ITGA9: variants seen among roughly 807,000 people sequenced by gnomAD.
ITGA9 encodes the protein integrin subunit alpha 9.
In ITGA9, 56 loss-of-function variants were observed where a neutral mutation model predicts 127.8. The observed-to-expected ratio is 0.44, with a 90% CI of 0.35 to 0.55. The LOEUF (loss-of-function observed/expected upper bound fraction) is 0.55, where lower values mean the gene tolerates loss of function less well. Ranked by LOEUF, ITGA9 falls within the 20% of genes least tolerant of loss-of-function variation. The probability of loss-of-function intolerance (pLI) is 0.00; values close to 1 mark genes in which losing one functional copy is unlikely to be tolerated. For synonymous variants in ITGA9, 508 were observed against 514.5 expected, an observed-to-expected ratio of 0.99 and a Z score of 0.17; for missense variants, 1,196 against 1,347.1, an observed-to-expected ratio of 0.89 and a Z score of 1.76.
At chr3:37,687,420 A>G (rs1199455358) in intron 18 of ITGA9, among the ~76,000 whole-genome samples, 1 of 152,208 alleles carries the variant, frequency 6.6e-6, no homozygotes, top group Non-Finnish European at 1.5e-5. Flanking sequence ...GAAGGTAGAA[A>G]CTGGAAAACA....
At chr3:37,472,237 G>A (rs1698438866) in intron 2 of ITGA9, among the ~76,000 whole-genome samples, 3 of 152,184 alleles carry the variant, frequency 2.0e-5, no homozygotes, top group Admixed American at 2.0e-4. Context: ...TACCTCGCAA[G>A]GATGGTCTTG....
chr3:37,636,963 G>A (rs561623589), intron 16 of ITGA9, among the ~76,000 whole-genome samples: 5 of 152,112 alleles, frequency 3.3e-5, no homozygotes, highest in Non-Finnish European at 7.4e-5. Context: ...CGTTATTTCT[G>A]AGGGCTCTGT....
At chr3:37,656,194 A>G (rs1700476089) in intron 17 of ITGA9, among the ~76,000 whole-genome samples, 1 of 152,198 alleles carries the variant, frequency 6.6e-6, no homozygotes, top group Admixed American at 6.5e-5. Flanking sequence ...TTGGTTCCAT[A>G]TGAAATTTAA....
intron 15 of ITGA9, among the ~76,000 whole-genome samples, chr3:37,617,958 A>T (rs1700091341): frequency 6.6e-6 from 1 of 152,188 alleles, no homozygotes; most frequent in Non-Finnish European, 1.5e-5. Flanking sequence ...TTCTTCTCTG[A>T]ACTCATCAAA....
chr3:37,689,308 T>G (rs866181947), intron 18 of ITGA9, among the ~76,000 whole-genome samples: 1 of 152,232 alleles, frequency 6.6e-6, no homozygotes, highest in Non-Finnish European at 1.5e-5. Flanking sequence ...TATAAAAACA[T>G]GGGGTACACA....
intron 15 of ITGA9, among the ~76,000 whole-genome samples, chr3:37,602,277 C>CA (rs777529971): frequency 3.5e-4 from 52 of 150,438 alleles, no homozygotes; most frequent in Admixed American, 5.3e-4. Flanking sequence ...CAAAACAAAA[C>CA]AAAAAAAAAA....
intron 26 of ITGA9, among the ~76,000 whole-genome samples, chr3:37,798,816 A>G (rs994992009): frequency 5.9e-5 from 9 of 152,222 alleles, no homozygotes; most frequent in Non-Finnish European, 1.0e-4. Flanking sequence ...TTTTAAAACT[A>G]GCTTTGCCAC....
In ITGA9 at chr3:37,629,218, T is replaced by C. The variant is rs1443772732; in HGVS notation, c.1721T>C (p.Val574Ala). 6.2e-7 allele frequency: 1 copy of C among 1,613,384 alleles called. No homozygotes were observed. Among genetic ancestry groups the C allele is most frequent in the Non-Finnish European group, 8.5e-7 (1 of 1,179,928 alleles). ...RRVQDVISPIVFEAAYSLSEH... is the reference protein window; with the variant it reads ...RRVQDVISPIAFEAAYSLSEH... Reference sequence around the variant, plus strand: ...GTGCAGGACGTCATCAGCCCGATCGTGTTTGAAGCAGCCTACAGCCTCAGT... The same window carrying C: ...GTGCAGGACGTCATCAGCCCGATCGCGTTTGAAGCAGCCTACAGCCTCAGT... Residue 574 changes from valine to alanine, a missense_variant, in exon 16 of 28, where the codon GTG (valine) becomes GCG (alanine). Coordinates refer to ENST00000264741, the MANE Select transcript of ITGA9 (RefSeq NM_002207.3). This position sits in a 1 kb window ranked among gnomAD's most constrained non-coding sequence, Gnocchi z 4.5.
intron 2 of ITGA9, 135 bp downstream of exon 2, chr3:37,471,269 G>C: frequency 9.9e-7 from 1 of 1,012,788 alleles, no homozygotes. Flanking sequence ...TCTCCAACAA[G>C]CATGTATTGA....
chr3:37,696,601 C>G (rs1382744071), intron 18 of ITGA9, among the ~76,000 whole-genome samples: 2 of 152,170 alleles, frequency 1.3e-5, no homozygotes, highest in Non-Finnish European at 2.9e-5. Flanking sequence ...CTTCACTGTT[C>G]TGTTTATCAC....
chr3:37,553,092 C>G (rs569861052), intron 15 of ITGA9, among the ~76,000 whole-genome samples: 1 of 151,802 alleles, frequency 6.6e-6, no homozygotes, highest in Non-Finnish European at 1.5e-5. Context: ...AAAGAAATAC[C>G]GTAAATTCTT....
At chr3:37,715,337 G>T (rs1701122913) in intron 18 of ITGA9, among the ~76,000 whole-genome samples, 3 of 152,268 alleles carry the variant, frequency 2.0e-5, no homozygotes, top group South Asian at 2.1e-4. Context: ...TTTACAGGGA[G>T]GTACTTAAGG....
intron 17 of ITGA9, among the ~76,000 whole-genome samples, chr3:37,656,793 C>T (rs866855315): frequency 4.6e-5 from 7 of 152,082 alleles, no homozygotes; most frequent in South Asian, 4.1e-4. Context: ...ATGCTTCCAG[C>T]TTTTGCCCAT....
intron 16 of ITGA9, among the ~76,000 whole-genome samples, chr3:37,647,456 T>C (rs975921620): frequency 1.3e-5 from 2 of 151,528 alleles, no homozygotes; most frequent in Admixed American, 6.6e-5. Flanking sequence ...TAACATAGTT[T>C]TTTTTTTTTT....
At chr3:37,485,952 C>T (rs1698605394) in intron 4 of ITGA9, among the ~76,000 whole-genome samples, 1 of 152,176 alleles carries the variant, frequency 6.6e-6, no homozygotes, top group South Asian at 2.1e-4. Flanking sequence ...AAAACGAGAG[C>T]TTTGGTGGGA....
intron 18 of ITGA9, among the ~76,000 whole-genome samples, chr3:37,729,500 A>G (rs911614733): frequency 2.0e-5 from 3 of 152,170 alleles, no homozygotes; most frequent in Non-Finnish European, 2.9e-5. Flanking sequence ...AAATGCTGAT[A>G]TAAATGTTAC....
intron 14 of ITGA9, among the ~76,000 whole-genome samples, chr3:37,538,443 C>T (rs1308947778): frequency 6.6e-6 from 1 of 152,216 alleles, no homozygotes; most frequent in Non-Finnish European, 1.5e-5. Context: ...ATGGCAGGGA[C>T]ACAAGCTGCC....
At chr3:37,639,619 G>A (rs1472394703) in intron 16 of ITGA9, among the ~76,000 whole-genome samples, 1 of 152,124 alleles carries the variant, frequency 6.6e-6, no homozygotes, top group African/African-American at 2.4e-5. Context: ...GTGATTCTAC[G>A]GTGGACAGAC....
intron 16 of ITGA9, among the ~76,000 whole-genome samples, chr3:37,653,418 A>C (rs1700447339): frequency 6.6e-6 from 1 of 152,174 alleles, no homozygotes. Context: ...CTGAAAGGAC[A>C]TCCACCACCA....
Sources: allele counts gnomAD v4.1 joint callset (sites outside exome capture counted in the v4.1 genomes callset), GRCh38; gene constraint gnomAD v4.1.1; non-coding constraint Gnocchi (gnomAD v3.1); transcripts MANE v1.5; gene names NCBI Gene and HGNC (gene_info 2026-07-23, HGNC 2026-07-21).